The following EFNA5 variants were observed in gnomAD, a reference collection of about 807,000 sequenced individuals.
The protein encoded by EFNA5 is ephrin-A5.
In EFNA5, 5 loss-of-function variants were observed where a neutral mutation model predicts 22.9. The ratio of observed to expected loss-of-function variants is 0.22; its 90% CI spans 0.11 to 0.46. EFNA5 has a LOEUF of 0.46. Among genes scored for constraint, EFNA5 ranks in the 20% least tolerant of loss-of-function variants. The pLI is 0.99. For synonymous variants in EFNA5, 113 were observed against 112.2 expected (o/e 1.01, Z -0.04); for missense variants, 237 against 293.3 (o/e 0.81, Z 1.40).
intron 1 of EFNA5, among the ~76,000 whole-genome samples, chr5:107,569,495 A>ATGTGTATATATATTTATATATG (rs1561435830): frequency 2.3e-5 from 3 of 130,556 alleles, no homozygotes; most frequent in South Asian, 2.2e-4. Flanking sequence ...ATTTATATAT[A>ATGTGTATATATATTTATATATG]TGTGTATATA....
chr5:107,557,950 C>A (rs1302069836), intron 1 of EFNA5, among the ~76,000 whole-genome samples: 1 of 152,054 alleles, frequency 6.6e-6, no homozygotes, highest in Non-Finnish European at 1.5e-5. Context: ...AAAACAAGCA[C>A]AAAATTGCAA....
intron 1 of EFNA5, among the ~76,000 whole-genome samples, chr5:107,499,260 C>T (rs1747077013): frequency 1.3e-5 from 2 of 152,122 alleles, no homozygotes; most frequent in Non-Finnish European, 2.9e-5. Flanking sequence ...TAAACCTGCC[C>T]TGATATGGGC....
At chr5:107,481,180 G>A (rs1750449636) in intron 1 of EFNA5, among the ~76,000 whole-genome samples, 1 of 152,202 alleles carries the variant, frequency 6.6e-6, no homozygotes, top group Admixed American at 6.5e-5. Context: ...AGTGTCAACT[G>A]CAAATGAGAA....
chr5:107,607,504 A>T (rs549731638), intron 1 of EFNA5, among the ~76,000 whole-genome samples: 10 of 152,056 alleles, frequency 6.6e-5, no homozygotes, highest in African/African-American at 1.9e-4. Flanking sequence ...AACGAATTAT[A>T]TTTTTTTTCA....
chr5:107,655,283 C>T (rs1280236830), intron 1 of EFNA5, among the ~76,000 whole-genome samples: 1 of 152,120 alleles, frequency 6.6e-6, no homozygotes. Context: ...ATAGCAAGCT[C>T]ATTCCCTTGA....
At chr5:107,617,039 T>C (rs1448938623) in intron 1 of EFNA5, among the ~76,000 whole-genome samples, 1 of 152,174 alleles carries the variant, frequency 6.6e-6, no homozygotes, top group Non-Finnish European at 1.5e-5. Flanking sequence ...TGTACTTTTA[T>C]GGAAGGATCA....
At chr5:107,650,917 C>T (rs1431187801) in intron 1 of EFNA5, among the ~76,000 whole-genome samples, 1 of 152,212 alleles carries the variant, frequency 6.6e-6, no homozygotes, top group Admixed American at 6.5e-5. Flanking sequence ...GTCCACGAAA[C>T]ATTTAACCTC....
chr5:107,649,121 C>T (rs977171240), intron 1 of EFNA5, among the ~76,000 whole-genome samples: 6 of 152,050 alleles, frequency 3.9e-5, no homozygotes, highest in South Asian at 2.1e-4. Flanking sequence ...TACCACATCT[C>T]GGATCTTCTA....
intron 4 of EFNA5, among the ~76,000 whole-genome samples, chr5:107,384,764 CCA>C (rs1747566613): frequency 7.9e-6 from 1 of 126,998 alleles, no homozygotes; most frequent in Non-Finnish European, 1.6e-5. Flanking sequence ...GGCACACACA[CCA>C]CATTTTTTTT....
chr5:107,433,633 T>C (rs574827907), intron 1 of EFNA5, among the ~76,000 whole-genome samples: 1 of 152,212 alleles, frequency 6.6e-6, no homozygotes, highest in East Asian at 1.9e-4. Context: ...TGGTGGCTGA[T>C]GCCTGTAATC....
intron 1 of EFNA5, among the ~76,000 whole-genome samples, chr5:107,580,343 G>C (rs1749016354): frequency 6.6e-6 from 1 of 152,064 alleles, no homozygotes; most frequent in South Asian, 2.1e-4. Context: ...ATTTTCTCCA[G>C]CTATTTATTT....
intron 1 of EFNA5, among the ~76,000 whole-genome samples, chr5:107,668,802 T>G (rs1373789955): frequency 6.6e-6 from 1 of 152,168 alleles, no homozygotes. Context: ...ACTGGAAAGC[T>G]TGCTCTATTT....
chr5:107,584,199 T>C (rs1393689082), intron 1 of EFNA5, among the ~76,000 whole-genome samples: 37 of 152,156 alleles, frequency 2.4e-4, no homozygotes, highest in Non-Finnish European at 1.5e-5. Context: ...CAGAACTTTG[T>C]CCTCAAGAGA....
chr5:107,482,911 T>TACAC (rs140110437), intron 1 of EFNA5, among the ~76,000 whole-genome samples: 7 of 138,444 alleles, frequency 5.1e-5, no homozygotes, highest in Non-Finnish European at 9.4e-5. Context: ...TATATACACA[T>TACAC]ACACACACAC....
At chr5:107,393,676 T>C (rs1371789106) in intron 2 of EFNA5, among the ~76,000 whole-genome samples, 3 of 152,244 alleles carry the variant, frequency 2.0e-5, no homozygotes, top group Non-Finnish European at 4.4e-5. Flanking sequence ...GGCTATTAGC[T>C]GTTAGCACGG....
chr5:107,378,327 C>T lies in EFNA5; in HGVS notation c.*2928G>A, dbSNP rs1198616980. On this transcript the variant is annotated 3_prime_UTR_variant, in exon 5 of 5. Transcript: ENST00000333274. ...CACGGTATCCACTAAACAGACAGAT[C>T]CTTATTTCCCTGCTTGATGTTGCAA... 6.6e-6 allele frequency: 1 copy of T among 151,992 alleles called. No individual in the cohort carries two copies. 9.4% of individuals were successfully genotyped at this position (151,992 alleles called of 1,614,324 possible).
chr5:107,569,070 C>G lies in EFNA5; in HGVS notation c.125+101419G>C, dbSNP rs561731550. ...ACACATGCCTGTAAGCAAAGATACG[C>G]ATAGTTAAATCTATACTTAGCATAT... On this transcript the variant is annotated intron_variant, in intron 1 of 4. Transcript: ENST00000333274. Among the ~76,000 whole-genome samples, 5 of 152,178 alleles carry G rather than the reference C, an allele frequency of 3.3e-5. No individual in the cohort carries two copies. The East Asian group carries it at 9.7e-4, about 29-fold the overall frequency.
intron 1 of EFNA5, among the ~76,000 whole-genome samples, chr5:107,428,303 C>G (rs779727100): frequency 2.0e-5 from 3 of 152,178 alleles, no homozygotes; most frequent in African/African-American, 7.2e-5. Context: ...AATCCCTCAA[C>G]AGGTCATGTT....
intron 1 of EFNA5, among the ~76,000 whole-genome samples, chr5:107,577,828 C>T (rs543328583): frequency 6.6e-6 from 1 of 152,190 alleles, no homozygotes; most frequent in South Asian, 2.1e-4. Context: ...ATTATATCAC[C>T]GGCTGCATCA....
Sources: allele counts gnomAD v4.1 joint callset (sites outside exome capture counted in the v4.1 genomes callset), GRCh38; gene constraint gnomAD v4.1.1; transcripts MANE v1.5; gene names NCBI Gene and HGNC (gene_info 2026-07-23, HGNC 2026-07-21).